Variants in EXOC7 observed in about 807,000 individuals in gnomAD.
EXOC7 encodes exocyst complex component Exo70.
EXOC7 carries 51 observed loss-of-function variants against 87.6 expected under a neutral mutation model. The ratio of observed to expected loss-of-function variants is 0.58; its 90% confidence interval spans 0.46 to 0.73. The LOEUF is 0.73. EXOC7 is among the 30% of genes least tolerant of loss of function. The pLI is 0.00. For synonymous variants in EXOC7, 327 were observed against 357.1 expected (o/e 0.92, Z 0.95); for missense variants, 744 against 888.4 (o/e 0.84, Z 2.07).
In EXOC7 at chr17:76,083,589, T is replaced by C. The variant is rs2067072131; in HGVS notation, c.*59A>G. 7 of 1,557,248 alleles carry C rather than the reference T, an allele frequency of 4.5e-6. No individual in the cohort carries two copies. In the East Asian group the frequency reaches 9.0e-5, roughly 20 times the overall value. ...ACCCAGCCCAGAGGCAAGCTAACAC[T>C]GGTTTATCTGTCCAATGACACGCCA... On this transcript the variant is annotated 3_prime_UTR_variant, in exon 19 of 19. Coordinates refer to ENST00000589210, the MANE Select transcript of EXOC7 (RefSeq NM_001013839.4).
intron 8 of EXOC7, 96 bp downstream of exon 8, chr17:76,089,079 C>T (rs928041606): frequency 7.0e-6 from 11 of 1,566,582 alleles, no homozygotes; most frequent in Middle Eastern, 2.0e-4. Context: ...CCCCAGGGCA[C>T]GAGGTGGTGG....
chr17:76,084,638 T>A (rs1308092066), intron 15 of EXOC7, 58 bp from the exon 16 acceptor site: 1 of 1,502,850 alleles, frequency 6.7e-7, no homozygotes, highest in Non-Finnish European at 9.2e-7. Flanking sequence ...GTGGCCTGGC[T>A]TGTTTCGTTT....
chr17:76,087,650 G>A lies in EXOC7; in HGVS notation c.1429+4C>T, dbSNP rs1177617936. On this transcript the variant is annotated splice_donor_region_variant and intron_variant, in intron 12 of 18. Coordinates refer to ENST00000589210, the MANE Select transcript of EXOC7 (RefSeq NM_001013839.4). ...CAGGGGGCCCAACTGGGAGGTACCA[G>A]TACCTTGGGAGGCCAGCATGGCGCC... 10 of 1,550,950 alleles carry A rather than the reference G, an allele frequency of 6.4e-6. No homozygotes were observed. In the Admixed American group the frequency reaches 9.8e-5, roughly 15 times the overall value.
At position 76,083,557 on chromosome 17, in the gene EXOC7, C is replaced by T. The variant is rs559705384; in HGVS notation, c.*91G>A. ...GACAGGTCTCTGTCCCAGAGGACTT[C>T]AAGCTCACCCAGCCCAGAGGCAAGC... is the stretch of plus-strand genomic sequence containing the variant. On this transcript the variant is annotated 3_prime_UTR_variant, in exon 19 of 19. Coordinates refer to ENST00000589210, the MANE Select transcript of EXOC7 (RefSeq NM_001013839.4). 7.5e-7 allele frequency: 1 copy of T among 1,335,604 alleles called. No individual in the cohort carries two copies. The highest frequency in any genetic ancestry group is 1.2e-5 in the South Asian group (1 of 83,238). The allele number at this position is 1,335,604 out of a possible 1,614,324, so 82.7% of individuals were successfully genotyped here. A position where few individuals can be genotyped will look rare whatever the true frequency, so the allele number is the denominator to read the frequency against.
rs767707842 is a variant in EXOC7, at chr17:76,082,599, G to A, written c.*1049C>T. On this transcript the variant is annotated 3_prime_UTR_variant, in exon 19 of 19. Coordinates refer to ENST00000589210, the MANE Select transcript of EXOC7 (RefSeq NM_001013839.4). The stretch of plus-strand genomic sequence containing the variant: ...GAATCTGGATGTGGGCAGCGTGCAA[G>A]TCTGACGCAGCCCCTGGAGAGGCTG... The A allele has an allele frequency of 1.9e-6, 3 of 1,613,552 alleles. No homozygotes were observed. In the East Asian group the frequency reaches 6.7e-5, roughly 36 times the overall value.
At chr17:76,096,280 G>A (rs911326637) in intron 5 of EXOC7, among the ~76,000 whole-genome samples, 4 of 152,102 alleles carry the variant, frequency 2.6e-5, no homozygotes, top group Admixed American at 1.3e-4. Flanking sequence ...TACAGAGGCC[G>A]AGGCAGGTGG....
Position 76,081,308 on chromosome 17 carries a change from T to G in EXOC7, c.*2340A>C. 1.2e-6 allele frequency: 2 copies of G among 1,614,084 alleles called. No homozygotes were observed. Among genetic ancestry groups the G allele is most frequent in the Non-Finnish European group, 1.7e-6 (2 of 1,180,004 alleles). On this transcript the variant is annotated 3_prime_UTR_variant, in exon 19 of 19. Coordinates refer to ENST00000589210, the MANE Select transcript of EXOC7 (RefSeq NM_001013839.4). ...GAGTTAGAGTTCCAGGCCCACGTGGTGAACGAGATTGTGAGTGTCAAGAGG... is the reference window on the plus strand; with the variant it reads ...GAGTTAGAGTTCCAGGCCCACGTGGGGAACGAGATTGTGAGTGTCAAGAGG...
intron 12 of EXOC7, chr17:76,086,846 C>G (rs1455589111): frequency 6.4e-7 from 1 of 1,551,274 alleles, no homozygotes; most frequent in Non-Finnish European, 8.7e-7. Context: ...CAGAACCGCA[C>G]TGCTTACCTC....
At chr17:76,094,626 C>A in intron 5 of EXOC7, 45 bp from the exon 6 acceptor site, 1 of 1,574,814 alleles carries the variant, frequency 6.3e-7, no homozygotes. Context: ...CAGGCCCTGT[C>A]TCTGCCTTGC....
At chr17:76,088,353 G>A (rs2067306930) in intron 10 of EXOC7, 111 bp downstream of exon 10, 1 of 1,147,666 alleles carries the variant, frequency 8.7e-7, no homozygotes, top group Non-Finnish European at 1.3e-6. Flanking sequence ...GGCGCAGCTG[G>A]CTGCCCCGGG....
chr17:76,094,690 C>G, intron 5 of EXOC7, 109 bp from the exon 6 acceptor site: 1 of 1,114,050 alleles, frequency 9.0e-7, no homozygotes, highest in Non-Finnish European at 1.3e-6. Context: ...CATCTGCTCC[C>G]TGCTCTGGTC....
At chr17:76,084,685 G>T in intron 15 of EXOC7, 105 bp from the exon 16 acceptor site, 1 of 950,474 alleles carries the variant, frequency 1.1e-6, no homozygotes. Context: ...GTGGTGGTAG[G>T]AAGGGATGTG....
At chr17:76,095,332 G>A (rs546350056) in intron 5 of EXOC7, among the ~76,000 whole-genome samples, 13 of 147,328 alleles carry the variant, frequency 8.8e-5, no homozygotes, top group African/African-American at 3.3e-4. Context: ...ACAATGGCAC[G>A]ATCTTGGCTC....
chr17:76,088,937 G>A lies in EXOC7; in HGVS notation c.1048-14C>T, dbSNP rs779116635. 4 of 1,610,292 alleles carry A rather than the reference G, an allele frequency of 2.5e-6. No homozygotes were observed. Among genetic ancestry groups the A allele is most frequent in the African/African-American group, 2.7e-5 (2 of 74,894 alleles). On this transcript the variant is annotated splice_polypyrimidine_tract_variant and intron_variant, in intron 8 of 18. Transcript: ENST00000589210. ...ATCCAGGGCATCCTGAGGGGGCAGGGAGACAGTTCAGGGAAGGGTGGGGCG... is the reference window on the plus strand; with the variant it reads ...ATCCAGGGCATCCTGAGGGGGCAGGAAGACAGTTCAGGGAAGGGTGGGGCG...
At position 76,085,482 on chromosome 17, in the gene EXOC7, G is replaced by A. The variant is rs561524619; in HGVS notation, c.1617-73C>T. 20 of 1,521,884 alleles carry A rather than the reference G, an allele frequency of 1.3e-5. No individual in the cohort carries two copies. In the Admixed American group the frequency reaches 2.6e-4, roughly 20 times the overall value. 94.3% of individuals were successfully genotyped at this position (1,521,884 alleles called of 1,614,324 possible). ...CAGGCCCAAAGGCTGCGGCAATGCC[G>A]GGAGGGCCTCCCATTGCACCCCAAA... is the stretch of plus-strand genomic sequence containing the variant. On this transcript the variant is annotated intron_variant, in intron 14 of 18. Coordinates refer to ENST00000589210, the MANE Select transcript of EXOC7 (RefSeq NM_001013839.4).
chr17:76,094,586 G>A lies in EXOC7; in HGVS notation c.641-5C>T. The A allele has an allele frequency of 6.2e-7, 1 of 1,611,580 alleles. No homozygotes were observed. Among genetic ancestry groups the A allele is most frequent in the Non-Finnish European group, 8.5e-7 (1 of 1,178,858 alleles). Reference sequence around the variant, plus strand: ...GGTAGTAGACGTTCATGAAATCTGAGGAGACACAGAGGGATAGAGGTACGG... The same window carrying A: ...GGTAGTAGACGTTCATGAAATCTGAAGAGACACAGAGGGATAGAGGTACGG... On this transcript the variant is annotated splice_polypyrimidine_tract_variant and splice_region_variant and intron_variant, in intron 5 of 18. Coordinates refer to ENST00000589210, the MANE Select transcript of EXOC7 (RefSeq NM_001013839.4).
intron 4 of EXOC7, chr17:76,098,222 CGA>C (rs1478618749): frequency 1.1e-4 from 60 of 547,040 alleles, no homozygotes; most frequent in African/African-American, 1.0e-3. Context: ...CTGCAACCTC[CGA>C]CTTCCTGGTT....
At position 76,089,283 on chromosome 17, in the gene EXOC7, G is replaced by A. The variant is rs1316059998; in HGVS notation, c.939C>T (p.Tyr313=). 3 of 1,614,138 alleles carry A rather than the reference G, an allele frequency of 1.9e-6. No homozygotes were observed. The highest frequency in any genetic ancestry group is 1.1e-5 in the South Asian group (1 of 91,090). Residue 313 remains tyrosine, a synonymous_variant, in exon 8 of 19, where the codon TAC becomes TAT. Coordinates refer to ENST00000589210, the MANE Select transcript of EXOC7 (RefSeq NM_001013839.4). ...DDMLDVETDA[Y]IHCVSAFVKL... ...TGACGAAGGCACTGACGCAGTGGATGTAGGCATCGGTCTCCACGTCCAGCA... is the reference window on the plus strand; with the variant it reads ...TGACGAAGGCACTGACGCAGTGGATATAGGCATCGGTCTCCACGTCCAGCA...
intron 7 of EXOC7, chr17:76,089,653 G>C: frequency 8.4e-6 from 3 of 356,652 alleles, no homozygotes; most frequent in Non-Finnish European, 1.6e-5. Flanking sequence ...TTGACCCCAG[G>C]ACTGAGCATT....
Sources: allele counts gnomAD v4.1 joint callset (sites outside exome capture counted in the v4.1 genomes callset), GRCh38; gene constraint gnomAD v4.1.1; transcripts MANE v1.5; gene names NCBI Gene and HGNC (gene_info 2026-07-23, HGNC 2026-07-21).